RPRD2: variants seen among roughly 807,000 people sequenced by gnomAD.
RPRD2 encodes regulation of nuclear pre-mRNA domain-containing protein 2.
Under a neutral mutation model 104.4 loss-of-function variants are expected in RPRD2, and 12 were observed. That is an observed-to-expected ratio of 0.11 (90% confidence interval 0.07 to 0.19). The LOEUF (loss-of-function observed/expected upper bound fraction) is 0.19. Among genes scored for constraint, RPRD2 ranks in the 10% least tolerant of loss-of-function variants. The pLI is 1.00. For synonymous variants in RPRD2, 714 were observed against 684.9 expected, an observed-to-expected ratio of 1.04 and a Z score of -0.66; for missense variants, 1,543 against 1,790.1, an observed-to-expected ratio of 0.86 and a Z score of 2.49.
chr1:150,431,462 A>T (rs897894590), intron 2 of RPRD2, among the ~76,000 whole-genome samples: 1 of 113,216 alleles, frequency 8.8e-6, no homozygotes, highest in Non-Finnish European at 1.7e-5. Flanking sequence ...ATTCAGTCTT[A>T]AAAAGGAAGG....
chr1:150,444,572 T>C (rs1222555715), intron 6 of RPRD2, among the ~76,000 whole-genome samples, 195 bp downstream of exon 6: 1 of 152,230 alleles, frequency 6.6e-6, no homozygotes, highest in African/African-American at 2.4e-5. Flanking sequence ...TAGTACTTTC[T>C]TGGTGTACTA....
At chr1:150,403,653 A>C (rs985084760) in intron 1 of RPRD2, among the ~76,000 whole-genome samples, 1 of 141,240 alleles carries the variant, frequency 7.1e-6, no homozygotes, top group Non-Finnish European at 1.6e-5. Context: ...CTTTTACCCA[A>C]TATTTTTTTT....
At chr1:150,442,093 C>A (rs1666444847) in intron 4 of RPRD2, 135 bp downstream of exon 4, 2 of 520,042 alleles carry the variant, frequency 3.8e-6, no homozygotes, top group Admixed American at 3.7e-5. Context: ...CTCCCAGTGA[C>A]CTATGCTAAA....
intron 1 of RPRD2, among the ~76,000 whole-genome samples, chr1:150,387,913 C>CTTT (rs34188350): frequency 1.3e-4 from 12 of 94,592 alleles, no homozygotes; most frequent in South Asian, 3.2e-4. Flanking sequence ...TTTCTTTTCT[C>CTTT]TTTTTTTTTT....
intron 1 of RPRD2, among the ~76,000 whole-genome samples, chr1:150,376,521 G>T (rs1660703494): frequency 1.3e-5 from 2 of 150,588 alleles, no homozygotes; most frequent in Non-Finnish European, 3.0e-5. Context: ...TTTTGAGACG[G>T]AATCTTGCTC....
At chr1:150,377,396 T>G (rs1055700259) in intron 1 of RPRD2, among the ~76,000 whole-genome samples, 2 of 151,558 alleles carry the variant, frequency 1.3e-5, no homozygotes, top group Non-Finnish European at 2.9e-5. Context: ...GTCAGGAGAT[T>G]GAGACCATCC....
rs587607146 is a variant in RPRD2, at chr1:150,366,015, C to T, written c.205+1096C>T. 4.6e-5 allele frequency among the ~76,000 whole-genome samples: 7 copies of T among 151,926 alleles called. No homozygotes were observed. The South Asian group carries it at 1.5e-3, about 32-fold the overall frequency. ...TTTTCTCCAGTTATGTTTTTTTTGT[C>T]TTTATCCTGGAGATTTTTCCATTTT... On this transcript the variant is annotated intron_variant, in intron 1 of 10. Transcript: ENST00000369068.
chr1:150,417,702 T>G lies in RPRD2; in HGVS notation c.312T>G (p.Leu104=), dbSNP rs782403556. ...TCCGTGAATCATTTGCTGATGTACTTCCTGAAGCAGCTGCTCTAGTGAAGT... is the reference window on the plus strand; with the variant it reads ...TCCGTGAATCATTTGCTGATGTACTGCCTGAAGCAGCTGCTCTAGTGAAGT... ...IIFRESFADV[L]PEAAALVKDP... Residue 104 remains leucine (L), a synonymous_variant, in exon 2 of 11, where the codon CTT becomes CTG. Transcript: ENST00000369068. 6.2e-7 allele frequency: 1 copy of G among 1,605,862 alleles called. No homozygotes were observed.
At chr1:150,391,454 A>G (rs834237) in intron 1 of RPRD2, among the ~76,000 whole-genome samples, 90,989 of 151,976 alleles carry the variant, frequency 0.6, 27,759 homozygotes, top group African/African-American at 0.65. Context: ...ACACTGGCCC[A>G]TTAATGACCT....
intron 1 of RPRD2, among the ~76,000 whole-genome samples, chr1:150,404,958 C>G (rs904876499): frequency 6.6e-6 from 1 of 152,006 alleles, no homozygotes; most frequent in African/African-American, 2.4e-5. Context: ...TTATTCTTAC[C>G]TATTATAGCA....
chr1:150,435,159 C>T (rs371263946), intron 2 of RPRD2, among the ~76,000 whole-genome samples: 1 of 152,148 alleles, frequency 6.6e-6, no homozygotes, highest in African/African-American at 2.4e-5. Flanking sequence ...TTCCTAACTT[C>T]GTCCATGTAA....
At chr1:150,369,072 T>A (rs1200839136) in intron 1 of RPRD2, among the ~76,000 whole-genome samples, 1 of 152,228 alleles carries the variant, frequency 6.6e-6, no homozygotes, top group Non-Finnish European at 1.5e-5. Context: ...AGTGCTGGCG[T>A]ACAGTTAGCA....
chr1:150,465,522 G>T (rs1332359024), intron 10 of RPRD2, among the ~76,000 whole-genome samples: 1 of 152,094 alleles, frequency 6.6e-6, no homozygotes, highest in Non-Finnish European at 1.5e-5. Flanking sequence ...TACTTTTCAG[G>T]TAAGGAAACT....
intron 2 of RPRD2, among the ~76,000 whole-genome samples, chr1:150,440,049 G>C (rs1421623671): frequency 1.3e-5 from 2 of 151,946 alleles, no homozygotes; most frequent in African/African-American, 4.8e-5. Flanking sequence ...GTACAGTACA[G>C]ATCCTCTTGC....
At chr1:150,433,415 TACACAC>T (rs59986598) in intron 2 of RPRD2, among the ~76,000 whole-genome samples, 15 of 136,958 alleles carry the variant, frequency 1.1e-4, no homozygotes, top group Admixed American at 2.3e-4. Context: ...ATACTATATA[TACACAC>T]ACACACACAC....
At position 150,473,474 on chromosome 1, in the gene RPRD2, A is replaced by T; in HGVS notation, c.*140A>T. ...CAAAGGGCCTCTCTTCCAAAGTAAG[A>T]AATCACATACGCTTACGTTTTACTA... On this transcript the variant is annotated 3_prime_UTR_variant, in exon 11 of 11. Transcript: ENST00000369068. The T allele has an allele frequency of 1.4e-6, 1 of 717,026 alleles. No individual in the cohort carries two copies. Among genetic ancestry groups the T allele is most frequent in the Non-Finnish European group, 2.2e-6 (1 of 461,738 alleles). The allele number at this position is 717,026 out of a possible 1,614,324, so 44.4% of individuals were successfully genotyped here. A position where few individuals can be genotyped will look rare whatever the true frequency, so the allele number is the denominator to read the frequency against.
At chr1:150,381,380 C>T (rs1164492217) in intron 1 of RPRD2, among the ~76,000 whole-genome samples, 1 of 152,032 alleles carries the variant, frequency 6.6e-6, no homozygotes, top group African/African-American at 2.4e-5. Flanking sequence ...TGTGATTGTG[C>T]CACTGCACTC....
intron 2 of RPRD2, among the ~76,000 whole-genome samples, chr1:150,423,121 G>T (rs1158220855): frequency 6.6e-6 from 1 of 152,156 alleles, no homozygotes; most frequent in Non-Finnish European, 1.5e-5. Flanking sequence ...TTTGCCATTT[G>T]TGTCCTAGAG....
intron 1 of RPRD2, among the ~76,000 whole-genome samples, chr1:150,415,331 A>AAT (rs145557203): frequency 6.6e-4 from 99 of 150,190 alleles, no homozygotes; most frequent in Non-Finnish European, 8.0e-4. Context: ...ACTGTCTCAA[A>AAT]AATAATAATA....
Sources: gnomAD v4.1 joint callset for allele counts (sites outside exome capture counted in the v4.1 genomes callset) on GRCh38, gnomAD v4.1.1 for gene constraint, MANE v1.5 for transcripts, NCBI Gene and HGNC (gene_info 2026-07-23, HGNC 2026-07-21) for gene names.